ATIC: variants seen among roughly 807,000 people sequenced by gnomAD.
ATIC encodes bifunctional purine biosynthesis protein ATIC.
Under a neutral mutation model 72.5 loss-of-function variants are expected in ATIC, and 64 were observed. The ratio of observed to expected loss-of-function variants is 0.88; its 90% CI spans 0.72 to 1.09. The LOEUF is 1.09. Among genes scored for constraint, ATIC ranks in the 50% least tolerant of loss-of-function variants. The pLI is 0.00. For missense variants in ATIC, 787 were observed against 732.4 expected (o/e 1.07, Z -0.86); for synonymous variants, 281 against 267.1 (o/e 1.05, Z -0.51).
rs1333416801 is a variant in ATIC at position 215,344,850 on chromosome 2, G to A, written c.1299G>A (p.Val433=). The change falls in exon 13 of 16, where the codon GTG becomes GTA. Residue 433 remains valine, a synonymous_variant. Coordinates refer to ENST00000236959, the MANE Select transcript of ATIC (RefSeq NM_004044.7). ...IAVKYTQSNS[V]CYAKNGQVIG... is the part of the protein sequence containing the mutation. Reference sequence around the variant, plus strand: ...TCAAGTACACTCAGTCTAACTCTGTGTGCTACGCCAAGAACGGGCAGGTAA... The same window carrying A: ...TCAAGTACACTCAGTCTAACTCTGTATGCTACGCCAAGAACGGGCAGGTAA... The A allele has an allele frequency of 6.2e-7, 1 of 1,613,910 alleles. No individual in the cohort carries two copies. Among genetic ancestry groups the A allele is most frequent in the Non-Finnish European group, 8.5e-7 (1 of 1,180,032 alleles).
chr2:215,364,508 A>G, the ATIC span: 2 of 331,290 alleles, frequency 6.0e-6, no homozygotes, highest in Non-Finnish European at 1.2e-5. Flanking sequence ...ATTAATTTGA[A>G]TAGTATCTCT....
chr2:215,312,614 C>T lies in ATIC; in HGVS notation c.136C>T (p.Leu46=). ...TGCAAAAGCTCTCAGGGATGCTGGT[C>T]TGGCAGTCAGGTAAGGCATAGCTAG... is the stretch of plus-strand genomic sequence containing the variant. The part of the protein sequence containing the change: ...GTAKALRDAG[L]AVRDVSELTG... The change falls in exon 2 of 16, where the codon CTG becomes TTG. Residue 46 remains leucine, a synonymous_variant. Transcript: ENST00000236959. The T allele has an allele frequency of 6.2e-7, 1 of 1,614,184 alleles. No individual in the cohort carries two copies. The highest frequency in any genetic ancestry group is 1.1e-5 in the South Asian group (1 of 91,072).
At chr2:215,335,258 T>G (rs956336721) in intron 10 of ATIC, among the ~76,000 whole-genome samples, 77 of 152,218 alleles carry the variant, frequency 5.1e-4, no homozygotes, top group African/African-American at 1.8e-3. Flanking sequence ...TTAAATTCTT[T>G]GTTGTCTTCA....
In ATIC at chr2:215,332,376, A is replaced by G; in HGVS notation, c.689-6A>G. ...TAGTAATGTGCATGTATATTTTTAC[A>G]TTTAGTTCTAAATGGAGCCCCTGGA... On this transcript the variant is annotated splice_polypyrimidine_tract_variant and splice_region_variant and intron_variant, in intron 7 of 15. Transcript: ENST00000236959. 1.2e-6 allele frequency: 2 copies of G among 1,614,032 alleles called. No individual in the cohort carries two copies. Among genetic ancestry groups the G allele is most frequent in the Non-Finnish European group, 1.7e-6 (2 of 1,179,996 alleles).
chr2:215,361,575 T>C, the ATIC span: 2 of 1,610,996 alleles, frequency 1.2e-6, no homozygotes, highest in South Asian at 1.1e-5. Context: ...GAATCTTCTC[T>C]GTCAGCCTGT....
At chr2:215,364,714 A>G in the ATIC span, 1 of 662,076 alleles carries the variant, frequency 1.5e-6, no homozygotes, top group African/African-American at 1.8e-5. Context: ...AGGTAGACAT[A>G]GAGCTGCTCT....
intron 2 of ATIC, among the ~76,000 whole-genome samples, chr2:215,315,858 G>A (rs891577286): frequency 6.6e-6 from 1 of 152,052 alleles, no homozygotes; most frequent in Non-Finnish European, 1.5e-5. Context: ...AGGAGGCTGA[G>A]GCAGGAGAAT....
intron 4 of ATIC, 25 bp downstream of exon 4, chr2:215,319,756 A>AAAC: frequency 6.4e-7 from 1 of 1,569,432 alleles, no homozygotes; most frequent in Non-Finnish European, 8.8e-7. Context: ...TTAAACTTTT[A>AAAC]ACACATTACG....
downstream of ATIC, among the ~76,000 whole-genome samples, chr2:215,354,132 A>T (rs2106056819): frequency 6.6e-6 from 1 of 152,012 alleles, no homozygotes; most frequent in East Asian, 1.9e-4. Flanking sequence ...GGTTCAAGCG[A>T]TTCTCATGCC....
intron 14 of ATIC, chr2:215,347,328 C>A: frequency 2.7e-6 from 1 of 370,842 alleles, no homozygotes; most frequent in Non-Finnish European, 5.2e-6. Flanking sequence ...ACATTAAATA[C>A]AAATTGCCTG....
intron 2 of ATIC, among the ~76,000 whole-genome samples, chr2:215,316,412 G>A (rs987743608): frequency 3.9e-5 from 6 of 152,136 alleles, no homozygotes; most frequent in Non-Finnish European, 7.4e-5. Context: ...AGGAAATTCC[G>A]TATCTTACTG....
Position 215,336,040 on chromosome 2 carries a change from T to C in ATIC, c.1014T>C (p.Ser338=), listed in dbSNP as rs201424787. 43 of 1,608,360 alleles carry C rather than the reference T, an allele frequency of 2.7e-5. No individual in the cohort carries two copies. The East Asian group carries it at 6.5e-4, about 24-fold the overall frequency. Residue 338 remains serine, a synonymous_variant, in exon 11 of 16, where the codon TCT becomes TCC. Coordinates refer to ENST00000236959, the MANE Select transcript of ATIC (RefSeq NM_004044.7). ...PTAKIISREV[S]DGIIAPGYEE... Reference sequence around the variant, plus strand: ...AAAATTTAATATTTTTGCAGGTATCTGATGGTATAATTGCCCCAGGATATG... The same window carrying C: ...AAAATTTAATATTTTTGCAGGTATCCGATGGTATAATTGCCCCAGGATATG...
chr2:215,367,258 A>T, the ATIC span, among the ~76,000 whole-genome samples: 1 of 152,258 alleles, frequency 6.6e-6, no homozygotes. Context: ...AACTTAAAAA[A>T]TTTGAAAATT....
chr2:215,319,603 G>A, intron 3 of ATIC, 62 bp from the exon 4 acceptor site: 1 of 1,224,082 alleles, frequency 8.2e-7, no homozygotes, highest in African/African-American at 1.5e-5. Context: ...TATGTTGAAA[G>A]ACATTCCTTA....
chr2:215,350,196 G>T (rs112993002), downstream of ATIC, among the ~76,000 whole-genome samples: 766 of 152,260 alleles, frequency 5.0e-3, 6 homozygotes, highest in African/African-American at 0.018. Flanking sequence ...AGAGTCCGTG[G>T]CACCGTCTTG....
Position 215,325,349 on chromosome 2 carries a change from T to A in ATIC, c.379+20T>A. 6.4e-7 allele frequency: 1 copy of A among 1,552,456 alleles called. No individual in the cohort carries two copies. The highest frequency in any genetic ancestry group is 1.1e-5 in the South Asian group (1 of 89,426). The stretch of plus-strand genomic sequence containing the variant: ...ACATTGGTAAGTCAGAAAAACCATT[T>A]TAGAAGACTGAGAGGAGAGGATTAT... On this transcript the variant is annotated intron_variant, in intron 5 of 15. Coordinates refer to ENST00000236959, the MANE Select transcript of ATIC (RefSeq NM_004044.7).
chr2:215,320,965 T>A (rs1424501558), intron 4 of ATIC, among the ~76,000 whole-genome samples: 1 of 151,976 alleles, frequency 6.6e-6, no homozygotes, highest in Non-Finnish European at 1.5e-5. Flanking sequence ...TCATAAGGGA[T>A]CTCCCCCGTG....
At chr2:215,368,069 T>G in the ATIC span, 1 of 1,601,548 alleles carries the variant, frequency 6.2e-7, no homozygotes, top group Non-Finnish European at 8.6e-7. Flanking sequence ...GACATCTTAT[T>G]AATCGATTTG....
At position 215,336,027 on chromosome 2, in the gene ATIC, T is replaced by C. The variant is rs780743619; in HGVS notation, c.1009-8T>C. ...AAAAATAGAAATTAAAATTTAATAT[T>C]TTTGCAGGTATCTGATGGTATAATT... On this transcript the variant is annotated splice_polypyrimidine_tract_variant and splice_region_variant and intron_variant, in intron 10 of 15. Transcript: ENST00000236959. 3 of 1,593,412 alleles carry C rather than the reference T, an allele frequency of 1.9e-6. No homozygotes were observed. The highest frequency in any genetic ancestry group is 2.6e-6 in the Non-Finnish European group (3 of 1,164,578).
Sources: allele counts gnomAD v4.1 joint callset (sites outside exome capture counted in the v4.1 genomes callset), GRCh38; gene constraint gnomAD v4.1.1; transcripts MANE v1.5; gene names NCBI Gene and HGNC (gene_info 2026-07-23, HGNC 2026-07-21).